Variants in LATS2 observed in about 807,000 individuals in gnomAD.
LATS2 encodes large tumor suppressor kinase 2, also known as serine/threonine-protein kinase LATS2.
In LATS2, 24 loss-of-function variants were observed where a neutral mutation model predicts 76.0. That is an observed-to-expected ratio of 0.32 (90% CI 0.23 to 0.44). The LOEUF is 0.44. Among genes scored for constraint, LATS2 ranks in the 20% least tolerant of loss-of-function variants. The pLI, the probability that LATS2 is intolerant of heterozygous loss-of-function variation, is 1.00. For synonymous variants in LATS2, 692 were observed against 635.4 expected (o/e 1.09, Z -1.34); for missense variants, 1,286 against 1,481.2 (o/e 0.87, Z 2.16).
At chr13:21,000,953 G>GAACAGT (rs1871015830) in intron 2 of LATS2, among the ~76,000 whole-genome samples, 1 of 152,172 alleles carries the variant, frequency 6.6e-6, no homozygotes, top group African/African-American at 2.4e-5. Context: ...TATGTTGAAA[G>GAACAGT]AACAGTAATT....
intron 2 of LATS2, among the ~76,000 whole-genome samples, chr13:21,005,981 C>A (rs933309809): frequency 6.6e-6 from 1 of 151,454 alleles, no homozygotes; most frequent in Non-Finnish European, 1.5e-5. Context: ...GGAGTGGTGG[C>A]GCATGTCTGT....
At chr13:21,041,800 G>A (rs761630356) in intron 2 of LATS2, among the ~76,000 whole-genome samples, 2 of 152,114 alleles carry the variant, frequency 1.3e-5, no homozygotes, top group African/African-American at 2.4e-5. Context: ...CCTCCCCTGG[G>A]AGTTACTGAA....
At chr13:21,028,580 A>C (rs1299065286) in intron 2 of LATS2, among the ~76,000 whole-genome samples, 1 of 152,122 alleles carries the variant, frequency 6.6e-6, no homozygotes, top group Non-Finnish European at 1.5e-5. Flanking sequence ...ACTGCATCTT[A>C]AATTTCAATT....
intron 1 of LATS2, among the ~76,000 whole-genome samples, chr13:21,056,989 G>C (rs992433093): frequency 3.9e-5 from 6 of 152,084 alleles, no homozygotes; most frequent in African/African-American, 1.4e-4. Context: ...GTGTCGTCCG[G>C]GTACATTTAA....
chr13:21,011,088 T>G (rs1871576429), intron 2 of LATS2, among the ~76,000 whole-genome samples: 1 of 152,268 alleles, frequency 6.6e-6, no homozygotes, highest in Non-Finnish European at 1.5e-5. Context: ...TAATGGTAGC[T>G]ACCTCATAGT....
intron 2 of LATS2, among the ~76,000 whole-genome samples, chr13:21,007,760 A>ATTTTTTT (rs1202476922): frequency 1.3e-3 from 6 of 4,568 alleles, no homozygotes; most frequent in Non-Finnish European, 1.7e-3. Flanking sequence ...ATATATATAT[A>ATTTTTTT]TTTTTTTTTT....
At chr13:21,011,633 A>G (rs933631043) in intron 2 of LATS2, among the ~76,000 whole-genome samples, 1 of 152,236 alleles carries the variant, frequency 6.6e-6, no homozygotes, top group African/African-American at 2.4e-5. Flanking sequence ...TAAAAAATCT[A>G]TTCTGCTTCT....
intron 2 of LATS2, among the ~76,000 whole-genome samples, chr13:21,038,078 T>A (rs1411448216): frequency 6.6e-6 from 1 of 151,886 alleles, no homozygotes; most frequent in Non-Finnish European, 1.5e-5. Flanking sequence ...CACACTCCAG[T>A]CTGGGTGACA....
chr13:21,028,750 A>G (rs1035890514), intron 2 of LATS2, among the ~76,000 whole-genome samples: 2 of 152,070 alleles, frequency 1.3e-5, no homozygotes, highest in African/African-American at 4.8e-5. Flanking sequence ...TTTGTATTTT[A>G]GTAGAGACGG....
chr13:21,034,388 A>ACCC (rs1485817942), intron 2 of LATS2, among the ~76,000 whole-genome samples: 1 of 151,632 alleles, frequency 6.6e-6, no homozygotes, highest in Non-Finnish European at 1.5e-5. Context: ...GGCTGCTTAA[A>ACCC]CCCCCATGAC....
intron 2 of LATS2, among the ~76,000 whole-genome samples, chr13:21,014,597 C>T (rs113584185): frequency 0.027 from 4,153 of 152,240 alleles, 193 homozygotes; most frequent in African/African-American, 0.095. Context: ...TGAGAAGGAA[C>T]GACGCTGACC....
intron 2 of LATS2, among the ~76,000 whole-genome samples, chr13:21,023,662 A>C (rs1312034399): frequency 2.6e-5 from 1 of 38,002 alleles, no homozygotes; most frequent in Non-Finnish European, 9.2e-5. Flanking sequence ...AAAAAAAAAA[A>C]AAAAAAAAAA....
intron 2 of LATS2, among the ~76,000 whole-genome samples, chr13:20,996,657 A>G (rs1870765810): frequency 6.6e-6 from 1 of 152,198 alleles, no homozygotes; most frequent in African/African-American, 2.4e-5. Flanking sequence ...CTGGGATTAT[A>G]GGTGTGAGCC....
intron 2 of LATS2, among the ~76,000 whole-genome samples, chr13:21,033,414 G>A (rs907040966): frequency 6.6e-6 from 1 of 151,996 alleles, no homozygotes; most frequent in Non-Finnish European, 1.5e-5. Context: ...AGACAGAGAG[G>A]TAGAGATGTG....
intron 2 of LATS2, among the ~76,000 whole-genome samples, chr13:21,045,127 GA>G (rs2138404028): frequency 6.6e-6 from 1 of 152,104 alleles, no homozygotes; most frequent in South Asian, 2.1e-4. Flanking sequence ...CAATTTTGAC[GA>G]TTTCTCAAGC....
chr13:21,048,964 G>A (rs1873168467), intron 1 of LATS2, among the ~76,000 whole-genome samples: 1 of 152,166 alleles, frequency 6.6e-6, no homozygotes, highest in African/African-American at 2.4e-5. Flanking sequence ...CTGGGGTGAG[G>A]CAGGCAAATA....
chr13:21,057,662 T>C (rs1424159775), intron 1 of LATS2, among the ~76,000 whole-genome samples: 1 of 150,116 alleles, frequency 6.7e-6, no homozygotes, highest in African/African-American at 2.4e-5. Flanking sequence ...TAGCTGGGCA[T>C]GGTGGCGGGC....
At chr13:21,043,849 C>A (rs1274036995) in intron 2 of LATS2, among the ~76,000 whole-genome samples, 3 of 152,184 alleles carry the variant, frequency 2.0e-5, no homozygotes, top group African/African-American at 2.4e-5. Context: ...GCAAAGAACA[C>A]AGGGGCTTGG....
chr13:21,026,646 G>T (rs996636171), intron 2 of LATS2, among the ~76,000 whole-genome samples: 22 of 152,088 alleles, frequency 1.4e-4, no homozygotes, highest in African/African-American at 4.6e-4. Context: ...TGAGACATAC[G>T]GTAGGTATGT....
Sources: allele counts gnomAD v4.1 joint callset (sites outside exome capture counted in the v4.1 genomes callset), GRCh38; gene constraint gnomAD v4.1.1; transcripts MANE v1.5; gene names NCBI Gene and HGNC (gene_info 2026-07-23, HGNC 2026-07-21).